The following DPP10 variants were observed in gnomAD, a reference collection of about 807,000 sequenced individuals.
The protein encoded by DPP10 is inactive dipeptidyl peptidase 10.
In DPP10, 33 loss-of-function variants were observed where a neutral mutation model predicts 120.9. The ratio of observed to expected loss-of-function variants is 0.27; its 90% CI spans 0.21 to 0.37. DPP10 has a LOEUF of 0.37. Among genes scored for constraint, DPP10 ranks in the 10% least tolerant of loss-of-function variants. The pLI is 1.00. For synonymous variants in DPP10, 337 were observed against 326.1 expected (o/e 1.03, Z -0.36); for missense variants, 816 against 942.8 (o/e 0.87, Z 1.76).
At chr2:115,332,994 C>T (rs1032895246) in intron 2 of DPP10, among the ~76,000 whole-genome samples, 4 of 152,008 alleles carry the variant, frequency 2.6e-5, no homozygotes, top group Non-Finnish European at 4.4e-5. Flanking sequence ...CTTTCTGTCT[C>T]GTTGATCTGC....
intron 1 of DPP10, among the ~76,000 whole-genome samples, chr2:114,852,176 T>C (rs894479758): frequency 4.8e-5 from 7 of 145,548 alleles, no homozygotes; most frequent in African/African-American, 1.3e-4. Flanking sequence ...TTTTTTTTTT[T>C]CATAAAATGC....
At chr2:115,036,826 C>T (rs550807700) in intron 1 of DPP10, among the ~76,000 whole-genome samples, 10 of 151,862 alleles carry the variant, frequency 6.6e-5, no homozygotes, top group Admixed American at 1.3e-4. Context: ...AAGAAACTCC[C>T]AAATTTCTGC....
chr2:114,809,767 A>C (rs75335650), intron 1 of DPP10, among the ~76,000 whole-genome samples: 6 of 152,096 alleles, frequency 3.9e-5, no homozygotes, highest in Non-Finnish European at 8.8e-5. Context: ...CTCAGAGTCT[A>C]TTCAATGGAT....
At chr2:114,984,412 A>T (rs1574633181) in intron 1 of DPP10, among the ~76,000 whole-genome samples, 1 of 152,046 alleles carries the variant, frequency 6.6e-6, no homozygotes, top group Non-Finnish European at 1.5e-5. Flanking sequence ...TGCAGTTTGT[A>T]AAACATGAGC....
chr2:114,932,982 G>A (rs1696192843), intron 1 of DPP10, among the ~76,000 whole-genome samples: 3 of 152,074 alleles, frequency 2.0e-5, no homozygotes, highest in African/African-American at 4.8e-5. Flanking sequence ...CCTTCATAGA[G>A]GGAGAAAGAG....
At chr2:115,836,413 C>A in intron 22 of DPP10, 94 bp from the exon 23 acceptor site, 3 of 1,496,616 alleles carry the variant, frequency 2.0e-6, no homozygotes, top group South Asian at 1.2e-5. Flanking sequence ...TTTACTAAAG[C>A]ATGACAATTA....
At chr2:115,827,106 A>G (rs557563989) in intron 21 of DPP10, among the ~76,000 whole-genome samples, 1 of 151,980 alleles carries the variant, frequency 6.6e-6, no homozygotes, top group South Asian at 2.1e-4. Flanking sequence ...ATTTTTTATA[A>G]TAAAATTTGC....
chr2:114,997,836 A>G (rs1701194639), intron 1 of DPP10, among the ~76,000 whole-genome samples: 1 of 152,212 alleles, frequency 6.6e-6, no homozygotes, highest in Non-Finnish European at 1.5e-5. Context: ...AATTTTTTAG[A>G]TCTTAGAATA....
At chr2:114,869,302 G>A (rs1420622306) in intron 1 of DPP10, among the ~76,000 whole-genome samples, 1 of 152,116 alleles carries the variant, frequency 6.6e-6, no homozygotes, top group Non-Finnish European at 1.5e-5. Context: ...AACTGATTGT[G>A]AAGCAGGTTT....
intron 1 of DPP10, among the ~76,000 whole-genome samples, chr2:115,087,276 G>A (rs191690033): frequency 1.2e-3 from 182 of 152,270 alleles, no homozygotes; most frequent in South Asian, 2.3e-3. Flanking sequence ...ATTCCTTCAA[G>A]GAAGTGGTTG....
chr2:115,434,282 C>A (rs2071274491), intron 3 of DPP10, among the ~76,000 whole-genome samples: 1 of 151,816 alleles, frequency 6.6e-6, no homozygotes, highest in Non-Finnish European at 1.5e-5. Context: ...TCTTCATTAC[C>A]AACCATTTGA....
chr2:114,538,381 C>T (rs1686688297), intron 1 of DPP10, among the ~76,000 whole-genome samples: 1 of 152,152 alleles, frequency 6.6e-6, no homozygotes, highest in Non-Finnish European at 1.5e-5. Flanking sequence ...AGATCTAGTG[C>T]AAACCCCTCA....
At chr2:115,133,141 GTGTGTA>G (rs1553496606) in intron 1 of DPP10, among the ~76,000 whole-genome samples, 808 of 35,284 alleles carry the variant, frequency 0.023, 2 homozygotes, top group East Asian at 0.065. Context: ...GTGTGTGTGT[GTGTGTA>G]TATATATATA....
intron 7 of DPP10, among the ~76,000 whole-genome samples, chr2:115,702,390 C>A (rs1211462485): frequency 2.0e-5 from 3 of 151,950 alleles, no homozygotes. Flanking sequence ...ACGCAAATGT[C>A]CACAGTAGAA....
chr2:114,449,421 C>T (rs531564876), intron 1 of DPP10, among the ~76,000 whole-genome samples: 14 of 151,840 alleles, frequency 9.2e-5, no homozygotes, highest in African/African-American at 2.7e-4. Flanking sequence ...AAATTACCTC[C>T]AAACAGGCTT....
intron 1 of DPP10, among the ~76,000 whole-genome samples, chr2:114,660,327 A>G (rs1253923887): frequency 1.3e-5 from 2 of 152,188 alleles, no homozygotes; most frequent in East Asian, 3.8e-4. Flanking sequence ...ATTATGTTCT[A>G]TCCTTGACAC....
intron 1 of DPP10, among the ~76,000 whole-genome samples, chr2:114,813,982 ACACAC>A (rs1685407634): frequency 6.8e-6 from 1 of 148,092 alleles, no homozygotes; most frequent in Non-Finnish European, 1.5e-5. Context: ...ACACACACAC[ACACAC>A]CACGAGCTGG....
intron 1 of DPP10, among the ~76,000 whole-genome samples, chr2:115,123,569 G>A (rs181723993): frequency 8.0e-4 from 122 of 152,242 alleles, no homozygotes; most frequent in Non-Finnish European, 1.3e-3. Flanking sequence ...ATTTGAGCCC[G>A]GTCATCCAAA....
intron 1 of DPP10, among the ~76,000 whole-genome samples, chr2:114,990,916 G>C (rs994045549): frequency 6.6e-6 from 1 of 152,166 alleles, no homozygotes. Context: ...ATTCTCACAA[G>C]ATTTTAATAG....
Sources: gnomAD v4.1 joint callset for allele counts (sites outside exome capture counted in the v4.1 genomes callset) on GRCh38, gnomAD v4.1.1 for gene constraint, MANE v1.5 for transcripts, NCBI Gene and HGNC (gene_info 2026-07-23, HGNC 2026-07-21) for gene names.